RAB20: variants seen among roughly 807,000 people sequenced by gnomAD.
RAB20 encodes the protein RAB20, member RAS oncogene family, also known as ras-related protein Rab-20.
In RAB20, 2 loss-of-function variants were observed where a neutral mutation model predicts 3.7. The observed-to-expected ratio is 0.54, with a 90% CI of 0.22 to 1.69. The LOEUF (loss-of-function observed/expected upper bound fraction) is 1.69. RAB20 is among the 40% of genes most tolerant of loss of function. The pLI is 0.19. For synonymous variants in RAB20, 126 were observed against 130.8 expected, an observed-to-expected ratio of 0.96 and a Z score of 0.25; for missense variants, 276 against 311.9, an observed-to-expected ratio of 0.88 and a Z score of 0.87.
chr13:110,539,078 G>T (rs184412630), intron 1 of RAB20, among the ~76,000 whole-genome samples: 1 of 152,166 alleles, frequency 6.6e-6, no homozygotes, highest in Non-Finnish European at 1.5e-5. Context: ...GAAAGGAGGC[G>T]ATTAGGTGAC....
intron 1 of RAB20, among the ~76,000 whole-genome samples, chr13:110,534,292 T>C (rs1476348630): frequency 6.6e-6 from 1 of 152,214 alleles, no homozygotes; most frequent in Non-Finnish European, 1.5e-5. Flanking sequence ...TCTGTTTCTC[T>C]GGGGAAGCCT....
chr13:110,541,650 T>C (rs977230088), intron 1 of RAB20, among the ~76,000 whole-genome samples: 8 of 152,210 alleles, frequency 5.3e-5, no homozygotes, highest in African/African-American at 2.4e-5. Context: ...TTGGTATTAG[T>C]GGAATTCTCT....
rs1222741711 is a variant in RAB20, at chr13:110,561,545, C to G, written c.-26G>C. On this transcript the variant is annotated 5_prime_UTR_variant, in exon 1 of 2. Coordinates refer to ENST00000267328, the MANE Select transcript of RAB20 (RefSeq NM_017817.3). The stretch of plus-strand genomic sequence containing the variant: ...CTTCCCGTAAGAACCCCCAGCGCCC[C>G]CGCGCCCTCTCCCCGAGGCTGGCCG... 15 of 1,536,692 alleles carry G rather than the reference C, an allele frequency of 9.8e-6. No individual in the cohort carries two copies. Among genetic ancestry groups the G allele is most frequent in the Non-Finnish European group, 1.3e-5 (15 of 1,141,826 alleles).
At chr13:110,543,282 C>A (rs1254814298) in intron 1 of RAB20, among the ~76,000 whole-genome samples, 1 of 152,128 alleles carries the variant, frequency 6.6e-6, no homozygotes, top group Non-Finnish European at 1.5e-5. Context: ...ATGTGCACCA[C>A]CTCCCCTGGC....
chr13:110,548,031 C>T (rs1362944176), intron 1 of RAB20, among the ~76,000 whole-genome samples: 2 of 152,152 alleles, frequency 1.3e-5, no homozygotes, highest in African/African-American at 2.4e-5. Context: ...CTCCTTATGC[C>T]GTCAAGGCTC....
intron 1 of RAB20, among the ~76,000 whole-genome samples, chr13:110,536,239 C>G (rs533682651): frequency 6.6e-6 from 1 of 152,092 alleles, no homozygotes; most frequent in South Asian, 2.1e-4. Flanking sequence ...CTGAGGTGCA[C>G]GGCCCTGCCG....
At chr13:110,541,444 C>G (rs1484636915) in intron 1 of RAB20, among the ~76,000 whole-genome samples, 2 of 152,254 alleles carry the variant, frequency 1.3e-5, no homozygotes, top group East Asian at 3.8e-4. Context: ...AAATTGTTAT[C>G]AGCCCAGGCA....
intron 1 of RAB20, among the ~76,000 whole-genome samples, chr13:110,541,304 A>T (rs766852486): frequency 1.6e-4 from 24 of 152,292 alleles, no homozygotes; most frequent in Middle Eastern, 3.4e-3. Context: ...AACAGGCCAG[A>T]GTTAATCAGA....
intron 1 of RAB20, among the ~76,000 whole-genome samples, chr13:110,559,694 C>G (rs539668869): frequency 2.0e-5 from 3 of 152,240 alleles, no homozygotes; most frequent in Non-Finnish European, 4.4e-5. Context: ...CCCCCAGTAA[C>G]GCTTCAAGAC....
intron 1 of RAB20, among the ~76,000 whole-genome samples, chr13:110,534,836 T>C (rs1466893898): frequency 6.6e-6 from 1 of 152,124 alleles, no homozygotes; most frequent in African/African-American, 2.4e-5. Flanking sequence ...TCCAGCAATA[T>C]TTTTTTGTGG....
intron 1 of RAB20, among the ~76,000 whole-genome samples, chr13:110,534,962 C>T (rs1281042626): frequency 1.3e-5 from 2 of 152,002 alleles, no homozygotes; most frequent in Admixed American, 1.3e-4. Context: ...GCCTCCCAAG[C>T]AGGTGGGACT....
Position 110,556,388 on chromosome 13 carries a change from T to C in RAB20, c.172+4960A>G, listed in dbSNP as rs556855927. Among the ~76,000 whole-genome samples the C allele has an allele frequency of 7.2e-5, 11 of 152,254 alleles. No homozygotes were observed. The South Asian group carries it at 2.3e-3, about 32-fold the overall frequency. On this transcript the variant is annotated intron_variant, in intron 1 of 1. Transcript: ENST00000267328. ...AGGAAATCAGGCAGGCTCCAGAAGCTAGGAAAGTCTAAGAAACAGGTTCCT... is the reference window on the plus strand; with the variant it reads ...AGGAAATCAGGCAGGCTCCAGAAGCCAGGAAAGTCTAAGAAACAGGTTCCT...
rs1322307440 is a variant in RAB20 at position 110,549,719 on chromosome 13, A to AT, written c.172+11628_172+11629insA. ...CTTTTTATCCAATCACACTTTTTTA[A>AT]ATTTTTTTTTTTTTTAATTGAGATG... On this transcript the variant is annotated intron_variant, in intron 1 of 1. Transcript: ENST00000267328. Among the ~76,000 whole-genome samples, 6 of 64,978 alleles carry AT rather than the reference A, an allele frequency of 9.2e-5. No individual in the cohort carries two copies. In the East Asian group the frequency reaches 1.8e-3, roughly 20 times the overall value. The allele number at this position is 64,978 out of a possible 152,430, so 42.6% of individuals were successfully genotyped here. A position where few individuals can be genotyped will look rare whatever the true frequency, so the allele number is the denominator to read the frequency against.
At chr13:110,543,255 C>T (rs1344667364) in intron 1 of RAB20, among the ~76,000 whole-genome samples, 4 of 152,030 alleles carry the variant, frequency 2.6e-5, no homozygotes, top group Admixed American at 1.3e-4. Context: ...CAGCCTCCCA[C>T]GTAGGTGGGA....
At position 110,524,133 on chromosome 13, in the gene RAB20, G is replaced by A; in HGVS notation, c.237C>T (p.Thr79=). 6.2e-7 allele frequency: 1 copy of A among 1,611,172 alleles called. No individual in the cohort carries two copies. Among genetic ancestry groups the A allele is most frequent in the African/African-American group, 1.3e-5 (1 of 75,050 alleles). ...YCRGAAAIIL[T]YDVNHRQSLV... is the part of the protein sequence containing the mutation. ...GGCTCTGCCGGTGATTCACATCATA[G>A]GTGAGGATGATGGCGGCCGCCCCCC... Residue 79 remains threonine (T), a synonymous_variant, in exon 2 of 2, where the codon ACC becomes ACT. Coordinates refer to ENST00000267328, the MANE Select transcript of RAB20 (RefSeq NM_017817.3).
chr13:110,542,867 A>G (rs565992421), intron 1 of RAB20, among the ~76,000 whole-genome samples: 1 of 152,188 alleles, frequency 6.6e-6, no homozygotes, highest in East Asian at 1.9e-4. Flanking sequence ...TTTTTGAGGA[A>G]CCATCATGTC....
intron 1 of RAB20, among the ~76,000 whole-genome samples, chr13:110,540,906 C>G (rs889769433): frequency 2.0e-5 from 3 of 152,204 alleles, no homozygotes; most frequent in Non-Finnish European, 4.4e-5. Context: ...TGCCCCGACC[C>G]TCACGGCTGG....
intron 1 of RAB20, among the ~76,000 whole-genome samples, chr13:110,541,297 A>G (rs1391937906): frequency 6.6e-6 from 1 of 152,168 alleles, no homozygotes; most frequent in African/African-American, 2.4e-5. Flanking sequence ...ACAGGGTAAC[A>G]GGCCAGAGTT....
rs76322231 is a variant in RAB20 at position 110,542,995 on chromosome 13, C to T, written c.172+18353G>A. Among the ~76,000 whole-genome samples the T allele has an allele frequency of 6.3e-3, 953 of 152,274 alleles. 10 individuals are homozygous for T. The highest frequency in any genetic ancestry group is 0.022 in the African/African-American group (896 of 41,544). On this transcript the variant is annotated intron_variant, in intron 1 of 1. Transcript: ENST00000267328. ...CTGATGACAGCCATTCTAACAGGTGCGACCTGACAGCTCACTGTACTGCTA... is the reference window on the plus strand; with the variant it reads ...CTGATGACAGCCATTCTAACAGGTGTGACCTGACAGCTCACTGTACTGCTA...
Sources: allele counts gnomAD v4.1 joint callset (sites outside exome capture counted in the v4.1 genomes callset), GRCh38; gene constraint gnomAD v4.1.1; transcripts MANE v1.5; gene names NCBI Gene and HGNC (gene_info 2026-07-23, HGNC 2026-07-21).